The following WDFY3 variants were observed in gnomAD, a reference collection of about 807,000 sequenced individuals.
The protein encoded by WDFY3 is WD repeat and FYVE domain containing 3.
In WDFY3, 66 loss-of-function variants were observed where a neutral mutation model predicts 409.6. The observed-to-expected ratio is 0.16, with a 90% confidence interval of 0.13 to 0.20. WDFY3 has a LOEUF of 0.20. WDFY3 is among the 10% of genes least tolerant of loss of function. The pLI, the probability that WDFY3 is intolerant of heterozygous loss-of-function variation, is 1.00. For synonymous variants in WDFY3, 1,521 were observed against 1,537.1 expected (o/e 0.99, Z 0.25); for missense variants, 3,031 against 4,298.1 (o/e 0.71, Z 8.24).
chr4:84,746,173 C>T (rs1739415295), intron 36 of WDFY3, among the ~76,000 whole-genome samples: 1 of 146,170 alleles, frequency 6.8e-6, no homozygotes, highest in Admixed American at 6.9e-5. Flanking sequence ...AAAAAAATCT[C>T]TGGCATGGTG....
At chr4:84,839,111 T>C (rs1215815717) in intron 6 of WDFY3, among the ~76,000 whole-genome samples, 1 of 152,210 alleles carries the variant, frequency 6.6e-6, no homozygotes. Context: ...TTTTCATTTA[T>C]TGTAGATAGA....
chr4:84,695,822 A>C (rs953830124), intron 58 of WDFY3, 148 bp downstream of exon 58: 2 of 835,870 alleles, frequency 2.4e-6, no homozygotes. Context: ...AAAAAGCAAC[A>C]ATCTAGGAAT....
At chr4:84,801,167 C>A (rs1750486245) in intron 17 of WDFY3, among the ~76,000 whole-genome samples, 1 of 152,072 alleles carries the variant, frequency 6.6e-6, no homozygotes, top group Non-Finnish European at 1.5e-5. Flanking sequence ...ATTGTATGTG[C>A]ACATGAATAC....
chr4:84,964,884 A>G (rs1775428044), intron 1 of WDFY3, among the ~76,000 whole-genome samples: 1 of 152,146 alleles, frequency 6.6e-6, no homozygotes, highest in African/African-American at 2.4e-5. Context: ...AGCAGTAGAA[A>G]CCTCTTTCTA....
At chr4:84,860,758 G>A (rs1300096102) in intron 3 of WDFY3, 136 bp from the exon 4 acceptor site, 7 of 853,466 alleles carry the variant, frequency 8.2e-6, no homozygotes, top group Non-Finnish European at 1.1e-5. Context: ...TCTTTAAACA[G>A]AAAAGACAGA....
intron 65 of WDFY3, 152 bp downstream of exon 65, chr4:84,678,767 C>A (rs1200921645): frequency 2.3e-5 from 18 of 769,468 alleles, no homozygotes; most frequent in Non-Finnish European, 3.7e-5. Context: ...ACTGAAGAGG[C>A]CTTCTGTGTA....
At chr4:84,756,323 G>A (rs1021320762) in intron 33 of WDFY3, among the ~76,000 whole-genome samples, 1 of 151,986 alleles carries the variant, frequency 6.6e-6, no homozygotes, top group Non-Finnish European at 1.5e-5. Flanking sequence ...AGTGGCTCGC[G>A]CCTGTAATCC....
At chr4:84,674,340 C>T (rs971211443) in intron 67 of WDFY3, among the ~76,000 whole-genome samples, 17 of 151,304 alleles carry the variant, frequency 1.1e-4, no homozygotes, top group African/African-American at 2.7e-4. Context: ...GAGGCTGAGG[C>T]GGGGGTACTG....
chr4:84,703,313 TA>T (rs1317280518), intron 55 of WDFY3, among the ~76,000 whole-genome samples: 32 of 152,254 alleles, frequency 2.1e-4, no homozygotes, highest in Middle Eastern at 3.4e-3. Flanking sequence ...TGAAGCAAAT[TA>T]AAATAGAAAA....
chr4:84,697,307 G>A (rs1351580092), intron 56 of WDFY3, among the ~76,000 whole-genome samples: 2 of 152,104 alleles, frequency 1.3e-5, no homozygotes, highest in African/African-American at 4.8e-5. Flanking sequence ...TTCTCATATC[G>A]CTGACTCTTA....
At position 84,693,049 on chromosome 4, in the gene WDFY3, T is replaced by A; in HGVS notation, c.8902-17A>T. ...TTTAAATAACTGGTATGAAAGAAGA[T>A]GACTCACTTTATAATGAAAGATAAC... is the stretch of plus-strand genomic sequence containing the variant. On this transcript the variant is annotated splice_polypyrimidine_tract_variant and intron_variant, in intron 58 of 67. Transcript: ENST00000295888. 6.2e-7 allele frequency: 1 copy of A among 1,606,720 alleles called. No homozygotes were observed. Among genetic ancestry groups the A allele is most frequent in the Non-Finnish European group, 8.5e-7 (1 of 1,178,192 alleles).
chr4:84,877,472 A>AT (rs1031167917), intron 3 of WDFY3, among the ~76,000 whole-genome samples: 1 of 151,704 alleles, frequency 6.6e-6, no homozygotes, highest in African/African-American at 2.4e-5. Flanking sequence ...TAATTGTTTT[A>AT]TTTTTTTATA....
intron 60 of WDFY3, 111 bp from the exon 61 acceptor site, chr4:84,690,775 G>A (rs1440618334): frequency 1.4e-5 from 19 of 1,317,190 alleles, no homozygotes; most frequent in East Asian, 2.6e-5. Flanking sequence ...AGCAAATAGC[G>A]GCTCATGTTC....
chr4:84,696,367 T>A (rs1347437940), intron 57 of WDFY3, among the ~76,000 whole-genome samples, 185 bp from the exon 58 acceptor site: 1 of 152,202 alleles, frequency 6.6e-6, no homozygotes, highest in Non-Finnish European at 1.5e-5. Context: ...AACCATGGTT[T>A]GAAAATATTA....
intron 64 of WDFY3, among the ~76,000 whole-genome samples, chr4:84,679,993 C>T (rs541867728): frequency 2.0e-5 from 3 of 151,156 alleles, no homozygotes; most frequent in Non-Finnish European, 4.4e-5. Context: ...TGGGTTCAAG[C>T]GATTCTCCTG....
chr4:84,886,839 C>T (rs894765407), intron 3 of WDFY3, among the ~76,000 whole-genome samples: 2 of 152,108 alleles, frequency 1.3e-5, no homozygotes, highest in African/African-American at 4.8e-5. Context: ...TGGTAGTGTT[C>T]AATACCCTAG....
chr4:84,957,331 G>A (rs767171724), intron 1 of WDFY3, among the ~76,000 whole-genome samples: 1 of 151,318 alleles, frequency 6.6e-6, no homozygotes, highest in African/African-American at 2.4e-5. Context: ...TAACGCTATG[G>A]AAGATCAATA....
Position 84,801,885 on chromosome 4 carries a change from C to A in WDFY3, c.2608-21G>T, listed in dbSNP as rs774349133. The A allele has an allele frequency of 8.1e-6, 13 of 1,606,706 alleles. No individual in the cohort carries two copies. The African/African-American group carries it at 1.6e-4, about 20-fold the overall frequency. On this transcript the variant is annotated intron_variant, in intron 16 of 67. Coordinates refer to ENST00000295888, the MANE Select transcript of WDFY3 (RefSeq NM_014991.6). Reference sequence around the variant, plus strand: ...GCATGCTAAAATCAACAAAGAAATCCACACAGTCAGGTCATTCTTAGTGAG... The same window carrying A: ...GCATGCTAAAATCAACAAAGAAATCAACACAGTCAGGTCATTCTTAGTGAG...
intron 4 of WDFY3, among the ~76,000 whole-genome samples, chr4:84,850,952 TTTTTTTTTTTTTTTTTTG>T (rs1394324250): frequency 4.5e-5 from 4 of 89,416 alleles, no homozygotes; most frequent in African/African-American, 1.5e-4. Context: ...TTTTTTTTTT[TTTTTTTTTTTTTTTTTTG>T]AGAACTGGTT....
Sources: allele counts gnomAD v4.1 joint callset (sites outside exome capture counted in the v4.1 genomes callset), GRCh38; gene constraint gnomAD v4.1.1; transcripts MANE v1.5; gene names NCBI Gene and HGNC (gene_info 2026-07-23, HGNC 2026-07-21).